Variants in GPC5 observed in about 807,000 individuals in gnomAD.
GPC5 encodes glypican-5.
Under a neutral mutation model 53.9 loss-of-function variants are expected in GPC5, and 47 were observed. That is an observed-to-expected ratio of 0.87 (90% CI 0.69 to 1.11). The LOEUF (loss-of-function observed/expected upper bound fraction) is 1.11, where lower values mean the gene tolerates loss of function less well. Among genes scored for constraint, GPC5 ranks in the 50% most tolerant of loss-of-function variants. The pLI, the probability that GPC5 is intolerant of heterozygous loss-of-function variation, is 0.00. For missense variants in GPC5, 748 were observed against 713.1 expected (o/e 1.05, Z -0.56); for synonymous variants, 286 against 263.3 (o/e 1.09, Z -0.84).
intron 5 of GPC5, among the ~76,000 whole-genome samples, chr13:91,778,263 T>C (rs2037743181): frequency 6.6e-6 from 1 of 152,182 alleles, no homozygotes; most frequent in African/African-American, 2.4e-5. Context: ...GTTCAGGCAG[T>C]GTTTTTATTA....
At chr13:92,387,107 G>T (rs536238811) in intron 7 of GPC5, among the ~76,000 whole-genome samples, 1 of 152,158 alleles carries the variant, frequency 6.6e-6, no homozygotes, top group South Asian at 2.1e-4. Context: ...AACTTGAGAT[G>T]GTTTGACTTA....
rs1374760481 is a variant in GPC5, at chr13:92,742,901, G to T, written c.1562-123381G>T. Among the ~76,000 whole-genome samples the T allele has an allele frequency of 3.9e-5, 6 of 152,002 alleles. No individual in the cohort carries two copies. In the East Asian group the frequency reaches 1.2e-3, roughly 30 times the overall value. On this transcript the variant is annotated intron_variant, in intron 7 of 7. Transcript: ENST00000377067. ...AAGATCAGATAGTTGTAGATGTATG[G>T]CATTATTTCTGAGGGCTCTGTTCTG... is the stretch of plus-strand genomic sequence containing the variant.
At chr13:92,176,566 C>G (rs2042110356) in intron 7 of GPC5, among the ~76,000 whole-genome samples, 1 of 152,174 alleles carries the variant, frequency 6.6e-6, no homozygotes, top group Non-Finnish European at 1.5e-5. Flanking sequence ...GGGTTTGACC[C>G]AAGGCATCAA....
At chr13:92,627,310 C>A (rs6492624) in intron 7 of GPC5, among the ~76,000 whole-genome samples, 69,963 of 152,026 alleles carry the variant, frequency 0.46, 16,845 homozygotes, top group East Asian at 0.68. Context: ...TTTATCATTT[C>A]TGCAATGGCA....
At chr13:92,231,903 T>C (rs576345537) in intron 7 of GPC5, among the ~76,000 whole-genome samples, 1 of 152,062 alleles carries the variant, frequency 6.6e-6, no homozygotes, top group Non-Finnish European at 1.5e-5. Flanking sequence ...AAGGTGGAGG[T>C]TGCAGTGAGC....
chr13:92,015,567 T>A (rs2040699438), intron 6 of GPC5, among the ~76,000 whole-genome samples: 1 of 152,220 alleles, frequency 6.6e-6, no homozygotes, highest in Admixed American at 6.5e-5. Flanking sequence ...TTTTATTTGT[T>A]ATTGAGAGGT....
intron 6 of GPC5, among the ~76,000 whole-genome samples, chr13:92,128,065 C>T (rs186660593): frequency 1.4e-3 from 213 of 152,258 alleles, no homozygotes; most frequent in African/African-American, 4.9e-3. Flanking sequence ...TCTTCCTCTC[C>T]TTTGATATTT....
intron 7 of GPC5, among the ~76,000 whole-genome samples, chr13:92,641,496 T>A (rs766679429): frequency 1.3e-5 from 2 of 152,230 alleles, no homozygotes; most frequent in Non-Finnish European, 2.9e-5. Context: ...ACATGGAATA[T>A]GAACTACATA....
chr13:92,193,069 G>C (rs1168023944), intron 7 of GPC5, among the ~76,000 whole-genome samples: 1 of 152,124 alleles, frequency 6.6e-6, no homozygotes, highest in African/African-American at 2.4e-5. Flanking sequence ...CAGCTACTCA[G>C]GAGGCTGAAG....
chr13:92,697,836 C>G (rs1887603199), intron 7 of GPC5, among the ~76,000 whole-genome samples: 1 of 152,120 alleles, frequency 6.6e-6, no homozygotes, highest in Middle Eastern at 3.2e-3. Flanking sequence ...GTGGGTTTGT[C>G]ATAAATAGCT....
At chr13:92,406,575 A>T (rs980869868) in intron 7 of GPC5, among the ~76,000 whole-genome samples, 2 of 152,164 alleles carry the variant, frequency 1.3e-5, no homozygotes, top group African/African-American at 2.4e-5. Context: ...TCATTAGGAT[A>T]GGTCGGTTGG....
rs1351060424 is a variant in GPC5, at chr13:92,047,920, G to A, written c.1402-96910G>A. 1.4e-4 allele frequency among the ~76,000 whole-genome samples: 21 copies of A among 151,904 alleles called. 1 individual carries two copies. The South Asian group carries it at 4.4e-3, about 32-fold the overall frequency. ...GCAGTAGAATCGCTTGAACCTGGAA[G>A]GCAGAGGTTGGAGTGAGCCGAGATC... On this transcript the variant is annotated intron_variant, in intron 6 of 7. Coordinates refer to ENST00000377067, the MANE Select transcript of GPC5 (RefSeq NM_004466.6).
intron 2 of GPC5, among the ~76,000 whole-genome samples, chr13:91,594,048 C>T (rs1369073585): frequency 1.3e-5 from 2 of 152,132 alleles, no homozygotes; most frequent in South Asian, 2.1e-4. Context: ...TTTGGAATGA[C>T]CAATAATTTA....
chr13:92,382,344 G>C (rs1227010940), intron 7 of GPC5, among the ~76,000 whole-genome samples: 1 of 151,894 alleles, frequency 6.6e-6, no homozygotes, highest in Non-Finnish European at 1.5e-5. Flanking sequence ...AATACCACCT[G>C]TACCCCCAAT....
chr13:91,855,701 C>T (rs1278529367), intron 5 of GPC5, among the ~76,000 whole-genome samples: 1 of 151,508 alleles, frequency 6.6e-6, no homozygotes, highest in African/African-American at 2.4e-5. Context: ...TTTCAAAATG[C>T]CTTAATTCTG....
At chr13:91,933,643 GT>G (rs1241765890) in intron 6 of GPC5, among the ~76,000 whole-genome samples, 1 of 151,882 alleles carries the variant, frequency 6.6e-6, no homozygotes, top group Non-Finnish European at 1.5e-5. Flanking sequence ...GGGAAGCTGT[GT>G]TGTAACAATC....
chr13:92,354,468 T>C (rs918520997), intron 7 of GPC5, among the ~76,000 whole-genome samples: 14 of 152,346 alleles, frequency 9.2e-5, no homozygotes, highest in African/African-American at 2.9e-4. Context: ...AAAACCCATT[T>C]TGCACAATTT....
intron 7 of GPC5, among the ~76,000 whole-genome samples, chr13:92,640,507 G>A (rs549179825): frequency 6.6e-6 from 1 of 152,132 alleles, no homozygotes; most frequent in South Asian, 2.1e-4. Flanking sequence ...TGATCCACCC[G>A]CCTCGGCCTC....
intron 7 of GPC5, among the ~76,000 whole-genome samples, chr13:92,227,389 A>G (rs943091461): frequency 3.3e-5 from 5 of 152,220 alleles, no homozygotes; most frequent in African/African-American, 1.2e-4. Context: ...ATAGTTCTCC[A>G]GAAAGTGACA....
Sources: allele counts gnomAD v4.1 joint callset (sites outside exome capture counted in the v4.1 genomes callset), GRCh38; gene constraint gnomAD v4.1.1; transcripts MANE v1.5; gene names NCBI Gene and HGNC (gene_info 2026-07-23, HGNC 2026-07-21).